Variants in SDHC observed in about 807,000 individuals in gnomAD.
SDHC encodes the protein succinate dehydrogenase cytochrome b560 subunit, mitochondrial.
Under a neutral mutation model 22.6 loss-of-function variants are expected in SDHC, and 11 were observed. The ratio of observed to expected loss-of-function variants is 0.49; its 90% CI spans 0.31 to 0.81. SDHC has a LOEUF of 0.81. SDHC is among the 30% of genes least tolerant of loss of function. The pLI, the probability that SDHC is intolerant of heterozygous loss-of-function variation, is 0.05. For missense variants in SDHC, 160 were observed against 212.0 expected (o/e 0.75, Z 1.52); for synonymous variants, 80 against 77.8 (o/e 1.03, Z -0.15).
intron 1 of SDHC, chr1:161,314,946 C>T (rs935985070): frequency 2.6e-5 from 4 of 154,538 alleles, no homozygotes; most frequent in African/African-American, 9.6e-5. Context: ...TGGCGATTAG[C>T]ATTAGCACCC....
chr1:161,362,223 C>T (rs2102384152), intron 5 of SDHC, 106 bp from the exon 6 acceptor site: 1 of 1,353,020 alleles, frequency 7.4e-7, no homozygotes. Flanking sequence ...TAGAATCATG[C>T]TGAGAGGAGA....
chr1:161,318,621 T>C lies in SDHC; in HGVS notation c.20+4196T>C, dbSNP rs535208951. Among the ~76,000 whole-genome samples, 25 of 152,342 alleles carry C rather than the reference T, an allele frequency of 1.6e-4. 1 individual carries two copies. The South Asian group carries it at 5.0e-3, about 30-fold the overall frequency. On this transcript the variant is annotated intron_variant, in intron 1 of 5. Transcript: ENST00000367975. ...TGTGAAATGCCCCTAAATATTAAGG[T>C]TTAACTCTCAATTTATGAAACTGCT...
At chr1:161,316,144 A>G (rs1670605226) in intron 1 of SDHC, among the ~76,000 whole-genome samples, 1 of 151,282 alleles carries the variant, frequency 6.6e-6, no homozygotes, top group Non-Finnish European at 1.5e-5. Flanking sequence ...TTGCCCAGGG[A>G]TGATCAGGAG....
At chr1:161,346,070 G>A (rs1671885952) in intron 4 of SDHC, among the ~76,000 whole-genome samples, 1 of 152,216 alleles carries the variant, frequency 6.6e-6, no homozygotes, top group Non-Finnish European at 1.5e-5. Flanking sequence ...CTCCCAAAGT[G>A]TTGGGATTAC....
rs749939754 is a variant in SDHC at position 161,356,646 on chromosome 1, G to T, written c.242-31G>T. ...TCATATTAGTTGTAACTTATGAGCAGCTGTGACAAGCTACTTGGTTTTCTC... is the reference window on the plus strand; with the variant it reads ...TCATATTAGTTGTAACTTATGAGCATCTGTGACAAGCTACTTGGTTTTCTC... On this transcript the variant is annotated intron_variant, in intron 4 of 5. Transcript: ENST00000367975. 5 of 1,612,170 alleles carry T rather than the reference G, an allele frequency of 3.1e-6. No individual in the cohort carries two copies. In the African/African-American group the frequency reaches 6.7e-5, roughly 22 times the overall value.
Position 161,362,612 on chromosome 1 carries a change from A to C in SDHC, c.*179A>C. 6.2e-7 allele frequency: 1 copy of C among 1,601,030 alleles called. No homozygotes were observed. On this transcript the variant is annotated 3_prime_UTR_variant, in exon 6 of 6. Transcript: ENST00000367975. ...AGACCATAATAGTGGAAAAGGGTCT[A>C]GTTTTCCCCTTGTTTCTAAAGATGA...
At chr1:161,318,991 C>G (rs1311482820) in intron 1 of SDHC, among the ~76,000 whole-genome samples, 2 of 152,166 alleles carry the variant, frequency 1.3e-5, no homozygotes, top group Non-Finnish European at 2.9e-5. Flanking sequence ...TTGCAGTGAG[C>G]CAAGATTGTG....
At chr1:161,319,623 T>G (rs988498676) in intron 1 of SDHC, among the ~76,000 whole-genome samples, 2 of 151,988 alleles carry the variant, frequency 1.3e-5, no homozygotes, top group African/African-American at 4.8e-5. Flanking sequence ...ATTTTTGTAT[T>G]TTTACTAGAG....
chr1:161,330,581 T>A (rs1671235541), intron 3 of SDHC, among the ~76,000 whole-genome samples: 2 of 152,258 alleles, frequency 1.3e-5, no homozygotes, highest in Non-Finnish European at 2.9e-5. Context: ...CTTTTGCAGC[T>A]GAGTCATTTT....
chr1:161,320,224 G>C (rs992079323), intron 1 of SDHC, among the ~76,000 whole-genome samples: 1 of 151,970 alleles, frequency 6.6e-6, no homozygotes, highest in East Asian at 1.9e-4. Context: ...CCATCATATG[G>C]GGGGGGTGGT....
intron 3 of SDHC, among the ~76,000 whole-genome samples, chr1:161,331,762 A>AT (rs1671284815): frequency 6.7e-6 from 1 of 148,248 alleles, no homozygotes; most frequent in African/African-American, 2.5e-5. Flanking sequence ...TACCTGGCTA[A>AT]TTTTTTGTAT....
At chr1:161,315,949 G>A (rs909277978) in intron 1 of SDHC, among the ~76,000 whole-genome samples, 1 of 152,112 alleles carries the variant, frequency 6.6e-6, no homozygotes, top group African/African-American at 2.4e-5. Context: ...TGGAGAGAAG[G>A]ACAAAGGTCT....
At chr1:161,327,585 G>A (rs1281664544) in intron 2 of SDHC, among the ~76,000 whole-genome samples, 1 of 151,820 alleles carries the variant, frequency 6.6e-6, no homozygotes, top group Non-Finnish European at 1.5e-5. Flanking sequence ...TTTTTGAGAC[G>A]GAGTCTTGCT....
At chr1:161,314,604 G>T (rs1670534444) in intron 1 of SDHC, 179 bp downstream of exon 1, 7 of 709,258 alleles carry the variant, frequency 9.9e-6, no homozygotes, top group South Asian at 8.2e-5. Flanking sequence ...AGCCGCTCCG[G>T]TGCGCTCCGT....
chr1:161,353,182 A>G (rs78946652), intron 4 of SDHC, among the ~76,000 whole-genome samples: 1,684 of 152,182 alleles, frequency 0.011, 14 homozygotes, highest in Middle Eastern at 0.065. Flanking sequence ...TGACTCTCGT[A>G]GGTCATTTGA....
At chr1:161,335,366 C>T (rs888628477) in intron 3 of SDHC, among the ~76,000 whole-genome samples, 1 of 152,254 alleles carries the variant, frequency 6.6e-6, no homozygotes, top group East Asian at 1.9e-4. Context: ...CTTTGAAACT[C>T]TAAATATTCT....
Position 161,362,842 on chromosome 1 carries a change from G to A in SDHC, c.*409G>A, listed in dbSNP as rs186995249. On this transcript the variant is annotated 3_prime_UTR_variant, in exon 6 of 6. Coordinates refer to ENST00000367975, the MANE Select transcript of SDHC (RefSeq NM_003001.5). ...GGGGGGTGGGTTGGTGAGGCTTTGG[G>A]TGCCACTGCCTGTGGGTTGCTGGCT... 511 of 479,306 alleles carry A rather than the reference G, an allele frequency of 1.1e-3. No homozygotes were observed. Among genetic ancestry groups the A allele is most frequent in the Non-Finnish European group, 1.8e-3 (470 of 261,810 alleles). 29.7% of individuals were successfully genotyped at this position (479,306 alleles called of 1,614,324 possible).
rs563462854 is a variant in SDHC at position 161,345,068 on chromosome 1, G to C, written c.241+4413G>C. Among the ~76,000 whole-genome samples the C allele has an allele frequency of 3.9e-5, 6 of 152,278 alleles. No individual in the cohort carries two copies. The East Asian group carries it at 1.2e-3, about 29-fold the overall frequency. On this transcript the variant is annotated intron_variant, in intron 4 of 5. Transcript: ENST00000367975. ...ATGACTGTGTTCACTTTAGCACTTA[G>C]ATTAAAATTCAAATATCCACCTTTG...
intron 4 of SDHC, among the ~76,000 whole-genome samples, chr1:161,342,179 T>C (rs532234234): frequency 6.6e-6 from 1 of 152,322 alleles, no homozygotes; most frequent in African/African-American, 2.4e-5. Context: ...GAAGAGGTTA[T>C]TGTACATGAG....
Sources: gnomAD v4.1 joint callset for allele counts (sites outside exome capture counted in the v4.1 genomes callset) on GRCh38, gnomAD v4.1.1 for gene constraint, MANE v1.5 for transcripts, NCBI Gene and HGNC (gene_info 2026-07-23, HGNC 2026-07-21) for gene names.